The following SHROOM4 variants were observed in gnomAD, a reference collection of about 807,000 sequenced individuals.
The protein encoded by SHROOM4 is shroom family member 4.
Under a neutral mutation model 80.3 loss-of-function variants are expected in SHROOM4, and 17 were observed. The observed-to-expected ratio is 0.21, with a 90% CI of 0.14 to 0.32. The LOEUF is 0.32. Among genes scored for constraint, SHROOM4 ranks in the 10% least tolerant of loss-of-function variants. The pLI, the probability that SHROOM4 is intolerant of heterozygous loss-of-function variation, is 1.00. For synonymous variants in SHROOM4, 400 were observed against 437.5 expected (o/e 0.91, Z 1.07); for missense variants, 993 against 1,140.3 (o/e 0.87, Z 1.86).
At chrX:50,652,779 G>C (rs192138455) in intron 2 of SHROOM4, among the ~76,000 whole-genome samples, 2 of 111,996 alleles carry the variant, frequency 1.8e-5, no homozygotes, top group Non-Finnish European at 3.8e-5. Context: ...TCAGTTTTCT[G>C]CATATGGCTA....
intron 2 of SHROOM4, among the ~76,000 whole-genome samples, chrX:50,641,698 C>T (rs782278667): frequency 1.8e-5 from 2 of 111,494 alleles, no homozygotes; most frequent in African/African-American, 3.3e-5. Flanking sequence ...CTGCAACCTC[C>T]GCCTCCCTGG....
chrX:50,583,802 C>G (rs1019489339), downstream of SHROOM4, among the ~76,000 whole-genome samples: 3 of 111,968 alleles, frequency 2.7e-5, no homozygotes, highest in East Asian at 8.4e-4. Flanking sequence ...CTTCCACAGT[C>G]AAGCCTTCAG....
intron 7 of SHROOM4, 63 bp downstream of exon 7, chrX:50,602,570 T>A: frequency 9.0e-7 from 1 of 1,107,154 alleles, no homozygotes. Context: ...AGAAGGCTGG[T>A]CATCCTCCAG....
chrX:50,586,538 G>C (rs1046474548), downstream of SHROOM4, among the ~76,000 whole-genome samples: 4 of 111,859 alleles, frequency 3.6e-5, no homozygotes, highest in African/African-American at 1.3e-4. Flanking sequence ...TTTACAAACA[G>C]AATGTGGTCT....
At chrX:50,597,431 T>C (rs1471307503) in intron 8 of SHROOM4, among the ~76,000 whole-genome samples, 1 of 111,721 alleles carries the variant, frequency 9.0e-6, no homozygotes, top group Admixed American at 9.5e-5. Flanking sequence ...CAAAGGTATA[T>C]CCAAAGCCAC....
intron 1 of SHROOM4, among the ~76,000 whole-genome samples, chrX:50,741,400 C>T (rs1018481683): frequency 1.8e-5 from 2 of 110,149 alleles, no homozygotes; most frequent in Non-Finnish European, 3.8e-5. Context: ...AGTCAATAAT[C>T]ATATTATATA....
intron 2 of SHROOM4, among the ~76,000 whole-genome samples, chrX:50,694,543 ATTTTTTTTTTTTTT>A (rs782530547): frequency 4.8e-4 from 6 of 12,493 alleles, no homozygotes; most frequent in Admixed American, 4.3e-3. Flanking sequence ...TTTAAGTTGG[ATTTTTTTTTTTTTT>A]TTTTTTTTTT....
At chrX:50,722,626 T>C (rs1159909780) in intron 1 of SHROOM4, among the ~76,000 whole-genome samples, 1 of 110,324 alleles carries the variant, frequency 9.1e-6, no homozygotes, top group Non-Finnish European at 1.9e-5. Flanking sequence ...GCCTGCTTCC[T>C]TCCGTCCATC....
chrX:50,626,631 A>G (rs1467944194), intron 5 of SHROOM4, among the ~76,000 whole-genome samples: 5 of 111,821 alleles, frequency 4.5e-5, no homozygotes, highest in Non-Finnish European at 9.4e-5. Context: ...GGTCAGGTCC[A>G]ACTATTTATC....
intron 1 of SHROOM4, among the ~76,000 whole-genome samples, chrX:50,723,392 G>GA (rs1557265626): frequency 1.8e-3 from 141 of 76,398 alleles, no homozygotes; most frequent in African/African-American, 6.1e-3. Flanking sequence ...GAGCAAGGGA[G>GA]GGAGAGAGAG....
At chrX:50,769,043 C>T (rs782396454) in intron 1 of SHROOM4, among the ~76,000 whole-genome samples, 9 of 110,966 alleles carry the variant, frequency 8.1e-5, no homozygotes, top group Admixed American at 5.8e-4. Flanking sequence ...CTGAGCAGAT[C>T]CGAAGGAAAT....
At chrX:50,652,505 C>T (rs1932139110) in intron 2 of SHROOM4, among the ~76,000 whole-genome samples, 1 of 111,623 alleles carries the variant, frequency 9.0e-6, no homozygotes, top group Non-Finnish European at 1.9e-5. Context: ...CAAAAATTTT[C>T]TTCCATTCTG....
intron 1 of SHROOM4, among the ~76,000 whole-genome samples, chrX:50,762,630 T>C (rs144649848): frequency 0.034 from 3,780 of 111,843 alleles, 163 homozygotes; most frequent in African/African-American, 0.12. Context: ...GTCTTTATTT[T>C]GCCTATAGTT....
At chrX:50,774,780 C>G (rs970229535) in intron 1 of SHROOM4, among the ~76,000 whole-genome samples, 9 of 110,772 alleles carry the variant, frequency 8.1e-5, no homozygotes, top group African/African-American at 2.9e-4. Context: ...TCCCAGCAGC[C>G]AAGACACAAA....
intron 4 of SHROOM4, among the ~76,000 whole-genome samples, chrX:50,628,657 A>G (rs887885142): frequency 1.3e-4 from 15 of 112,009 alleles, no homozygotes; most frequent in Non-Finnish European, 1.9e-4. Context: ...CAGAATAAAC[A>G]TAGATCCTTG....
intron 7 of SHROOM4, among the ~76,000 whole-genome samples, chrX:50,599,426 T>C (rs782494611): frequency 1.6e-3 from 184 of 111,695 alleles, no homozygotes; most frequent in Non-Finnish European, 2.9e-3. Flanking sequence ...TTGACATTAT[T>C]GAGCTTCACT....
chrX:50,759,580 T>C (rs1464626600), intron 1 of SHROOM4, among the ~76,000 whole-genome samples: 1 of 112,027 alleles, frequency 8.9e-6, no homozygotes, highest in Non-Finnish European at 1.9e-5. Context: ...ATCATATTAT[T>C]GGTTTCCTTC....
At position 50,650,103 on chromosome X, in the gene SHROOM4, A is replaced by C. The variant is rs952488264; in HGVS notation, c.270-11795T>G. 2.0e-4 allele frequency among the ~76,000 whole-genome samples: 23 copies of C among 112,228 alleles called. 1 individual carries two copies. Among genetic ancestry groups the C allele is most frequent in the Non-Finnish European group, 3.9e-4 (21 of 53,266 alleles). ...CTTAATGATCCTGAAAAAGGCTCACAATGTAATGGTAAATTTAAAAATTGT... is the reference window on the plus strand; with the variant it reads ...CTTAATGATCCTGAAAAAGGCTCACCATGTAATGGTAAATTTAAAAATTGT... On this transcript the variant is annotated intron_variant, in intron 2 of 8. Coordinates refer to ENST00000376020, the MANE Select transcript of SHROOM4 (RefSeq NM_020717.5).
At chrX:50,731,371 C>A (rs1934367874) in intron 1 of SHROOM4, among the ~76,000 whole-genome samples, 1 of 111,670 alleles carries the variant, frequency 9.0e-6, no homozygotes, top group Non-Finnish European at 1.9e-5. Flanking sequence ...AACTCCTTCT[C>A]CCCTCAGCTC....
Sources: gnomAD v4.1 joint callset for allele counts (sites outside exome capture counted in the v4.1 genomes callset) on GRCh38, gnomAD v4.1.1 for gene constraint, MANE v1.5 for transcripts, NCBI Gene and HGNC (gene_info 2026-07-23, HGNC 2026-07-21) for gene names.